The following TMEM272 variants were observed in gnomAD, a reference collection of about 807,000 sequenced individuals.
TMEM272 encodes the protein long intergenic non-protein coding RNA 282.
A neutral mutation model predicts 3.7 loss-of-function variants in TMEM272; 8 were observed. The ratio of observed to expected loss-of-function variants is 2.17; its 90% confidence interval spans 1.27 to 3.91. TMEM272 has a LOEUF of 3.91. Among genes scored for constraint, TMEM272 ranks in the 30% most tolerant of loss-of-function variants. The pLI, the probability that TMEM272 is intolerant of heterozygous loss-of-function variation, is 0.00. For synonymous variants in TMEM272, 63 were observed against 39.8 expected, an observed-to-expected ratio of 1.58 and a Z score of -2.20; for missense variants, 166 against 91.5, an observed-to-expected ratio of 1.81 and a Z score of -3.32.
intron 3 of TMEM272, 30 bp from the exon 4 acceptor site, chr13:51,822,167 A>G (rs1024965499): frequency 4.4e-6 from 3 of 674,328 alleles, no homozygotes; most frequent in Non-Finnish European, 8.0e-6. Flanking sequence ...GAGGATTGAG[A>G]GAAATACATT....
chr13:51,874,239 G>T, the TMEM272 span, among the ~76,000 whole-genome samples: 1 of 152,202 alleles, frequency 6.6e-6, no homozygotes, highest in Non-Finnish European at 1.5e-5. Context: ...TCTTGGCTGT[G>T]TAGTCACTTA....
chr13:51,928,932 C>T, the TMEM272 span, among the ~76,000 whole-genome samples: 3 of 152,328 alleles, frequency 2.0e-5, no homozygotes, highest in Non-Finnish European at 2.9e-5. Context: ...GGTGTGGTGG[C>T]TCACACCTGG....
At chr13:51,904,947 A>G in the TMEM272 span, among the ~76,000 whole-genome samples, 1 of 152,184 alleles carries the variant, frequency 6.6e-6, no homozygotes, top group African/African-American at 2.4e-5. Flanking sequence ...GGAATAGATA[A>G]TTGCTGTGGG....
the TMEM272 span, among the ~76,000 whole-genome samples, chr13:51,924,758 TACA>T: frequency 6.6e-6 from 1 of 152,120 alleles, no homozygotes; most frequent in Non-Finnish European, 1.5e-5. Context: ...CCCCACTGCA[TACA>T]ACAATCATGC....
chr13:51,922,687 A>C, the TMEM272 span, among the ~76,000 whole-genome samples: 2 of 152,214 alleles, frequency 1.3e-5, no homozygotes, highest in African/African-American at 4.8e-5. Context: ...TGGAAGTTTG[A>C]AATGGGTCTT....
chr13:51,886,816 A>G, the TMEM272 span, among the ~76,000 whole-genome samples: 1 of 152,204 alleles, frequency 6.6e-6, no homozygotes, highest in Non-Finnish European at 1.5e-5. Flanking sequence ...CCTGTGCTAA[A>G]CAATGCTGAG....
the TMEM272 span, among the ~76,000 whole-genome samples, chr13:51,877,959 G>A: frequency 6.6e-6 from 1 of 152,196 alleles, no homozygotes; most frequent in African/African-American, 2.4e-5. Flanking sequence ...ATGCTGCTAT[G>A]AAGAAATACG....
chr13:51,909,952 G>A, the TMEM272 span: 1 of 1,596,002 alleles, frequency 6.3e-7, no homozygotes, highest in Non-Finnish European at 8.6e-7. Flanking sequence ...TGCAAAAGCT[G>A]TTTCTGGCTT....
chr13:51,821,935 A>G, intron 4 of TMEM272, 120 bp downstream of exon 4: 1 of 687,318 alleles, frequency 1.5e-6, no homozygotes, highest in Admixed American at 2.1e-5. Flanking sequence ...TTCAGCAACC[A>G]CGCTTAGGGG....
At chr13:51,868,366 T>G in the TMEM272 span, among the ~76,000 whole-genome samples, 9 of 152,320 alleles carry the variant, frequency 5.9e-5, no homozygotes, top group African/African-American at 2.2e-4. Flanking sequence ...CACTCGAGTG[T>G]GCTTTAAACG....
chr13:51,909,378 T>C, the TMEM272 span: 1 of 870,344 alleles, frequency 1.1e-6, no homozygotes, highest in Non-Finnish European at 1.9e-6. Context: ...GATCATTTCG[T>C]CTACTTTAGA....
At chr13:51,894,874 G>A in the TMEM272 span, among the ~76,000 whole-genome samples, 29 of 152,066 alleles carry the variant, frequency 1.9e-4, no homozygotes, top group Non-Finnish European at 4.4e-5. Context: ...ATTAGTGGGA[G>A]CCCTGAGCTT....
the TMEM272 span, among the ~76,000 whole-genome samples, chr13:51,914,128 G>A: frequency 3.3e-5 from 5 of 152,216 alleles, no homozygotes; most frequent in African/African-American, 1.2e-4. Context: ...AGGAAGCTGA[G>A]AGTACATGCT....
At chr13:51,867,999 T>C in the TMEM272 span, among the ~76,000 whole-genome samples, 2 of 152,198 alleles carry the variant, frequency 1.3e-5, no homozygotes, top group African/African-American at 4.8e-5. Flanking sequence ...ACCTCCACAA[T>C]TGCAGACTCC....
intron 2 of TMEM272, among the ~76,000 whole-genome samples, chr13:51,832,317 G>A (rs1477698752): frequency 6.6e-6 from 1 of 152,188 alleles, no homozygotes; most frequent in Non-Finnish European, 1.5e-5. Context: ...ATCTTGATAG[G>A]AAAAGTGGGT....
the TMEM272 span, among the ~76,000 whole-genome samples, chr13:51,917,048 C>A: frequency 4.3e-4 from 65 of 152,296 alleles, no homozygotes; most frequent in African/African-American, 1.5e-3. Context: ...TGGGCTTAAG[C>A]CCTAGCTGCC....
the TMEM272 span, among the ~76,000 whole-genome samples, chr13:51,883,555 C>CCATG: frequency 6.6e-6 from 1 of 152,076 alleles, no homozygotes; most frequent in Admixed American, 6.5e-5. Flanking sequence ...GCTGATTGGT[C>CCATG]CATGGGTGAG....
the TMEM272 span, among the ~76,000 whole-genome samples, chr13:51,863,072 AC>A: frequency 4.6e-5 from 7 of 152,222 alleles, no homozygotes; most frequent in Admixed American, 4.6e-4. Context: ...GAAAGGATGT[AC>A]AGGAATTCAA....
chr13:51,864,311 C>A, the TMEM272 span, among the ~76,000 whole-genome samples: 2 of 152,158 alleles, frequency 1.3e-5, no homozygotes, highest in African/African-American at 2.4e-5. Flanking sequence ...CAAGTACTCA[C>A]CTAATCACAC....
Sources: allele counts gnomAD v4.1 joint callset (sites outside exome capture counted in the v4.1 genomes callset), GRCh38; gene constraint gnomAD v4.1.1; transcripts MANE v1.5; gene names NCBI Gene and HGNC (gene_info 2026-07-23, HGNC 2026-07-21).